The following ATRNL1 variants were observed in gnomAD, a reference collection of about 807,000 sequenced individuals.
ATRNL1 encodes the protein attractin like 1.
ATRNL1 carries 95 observed loss-of-function variants against 182.7 expected under a neutral mutation model. That is an observed-to-expected ratio of 0.52 (90% CI 0.44 to 0.62). ATRNL1 has a LOEUF of 0.62. Among genes scored for constraint, ATRNL1 ranks in the 20% least tolerant of loss-of-function variants. The probability of loss-of-function intolerance (pLI) is 0.00; values close to 1 mark genes in which losing one functional copy is unlikely to be tolerated. For synonymous variants in ATRNL1, 576 were observed against 568.3 expected, an observed-to-expected ratio of 1.01 and a Z score of -0.19; for missense variants, 1,471 against 1,679.5, an observed-to-expected ratio of 0.88 and a Z score of 2.17.
chr10:115,637,079 G>A (rs1858922217), intron 26 of ATRNL1, among the ~76,000 whole-genome samples: 1 of 152,194 alleles, frequency 6.6e-6, no homozygotes, highest in Non-Finnish European at 1.5e-5. Flanking sequence ...TTGAAAACAT[G>A]GACCTCAATA....
At chr10:115,913,824 G>C (rs1249397510) in intron 28 of ATRNL1, among the ~76,000 whole-genome samples, 2 of 152,184 alleles carry the variant, frequency 1.3e-5, no homozygotes, top group Non-Finnish European at 1.5e-5. Flanking sequence ...AACTGTGACT[G>C]GGGACATCTC....
At chr10:115,800,806 G>A (rs782800147) in intron 27 of ATRNL1, among the ~76,000 whole-genome samples, 3 of 152,202 alleles carry the variant, frequency 2.0e-5, no homozygotes, top group Admixed American at 6.5e-5. Flanking sequence ...AAGCCAGGAG[G>A]AGAGTCATCA....
intron 24 of ATRNL1, among the ~76,000 whole-genome samples, chr10:115,498,040 A>C (rs1849640595): frequency 6.6e-6 from 1 of 152,158 alleles, no homozygotes; most frequent in Non-Finnish European, 1.5e-5. Context: ...TCAAAGAATA[A>C]ATTACTTTAT....
chr10:115,268,631 AG>A (rs1851707292), intron 13 of ATRNL1, among the ~76,000 whole-genome samples, 187 bp downstream of exon 13: 1 of 152,212 alleles, frequency 6.6e-6, no homozygotes, highest in Non-Finnish European at 1.5e-5. Flanking sequence ...CAAATTTGTC[AG>A]TCTAGATTCC....
intron 27 of ATRNL1, among the ~76,000 whole-genome samples, chr10:115,808,138 A>G (rs1342392339): frequency 3.3e-5 from 5 of 152,314 alleles, no homozygotes; most frequent in Middle Eastern, 3.4e-3. Context: ...TGTTAATAAA[A>G]TGATTAAAAT....
At chr10:115,833,521 A>T (rs181836128) in intron 27 of ATRNL1, among the ~76,000 whole-genome samples, 4 of 152,338 alleles carry the variant, frequency 2.6e-5, no homozygotes, top group African/African-American at 9.6e-5. Context: ...GTAAGAGTGT[A>T]TGCTATGTTA....
chr10:115,254,468 CT>C (rs1195016770), intron 10 of ATRNL1, among the ~76,000 whole-genome samples: 1 of 152,122 alleles, frequency 6.6e-6, no homozygotes, highest in Non-Finnish European at 1.5e-5. Flanking sequence ...CCTTTGCCCA[CT>C]TTTTGATGGG....
intron 26 of ATRNL1, among the ~76,000 whole-genome samples, chr10:115,555,575 A>G (rs1336631206): frequency 3.9e-5 from 6 of 151,974 alleles, no homozygotes; most frequent in Non-Finnish European, 8.8e-5. Context: ...TTTATTGAAC[A>G]ACTATTGTTG....
At chr10:115,495,797 T>G (rs1183978324) in intron 24 of ATRNL1, among the ~76,000 whole-genome samples, 1 of 152,108 alleles carries the variant, frequency 6.6e-6, no homozygotes, top group African/African-American at 2.4e-5. Flanking sequence ...ATATATTCTT[T>G]TGTTTTTGAG....
Position 115,535,684 on chromosome 10 carries a change from C to T in ATRNL1, c.3717-13774C>T, listed in dbSNP as rs1256738892. 2.0e-5 allele frequency among the ~76,000 whole-genome samples: 3 copies of T among 152,160 alleles called. No individual in the cohort carries two copies. In the East Asian group the frequency reaches 5.8e-4, roughly 29 times the overall value. ...GTTCGTTTGGAGGAGGGGAGGTGCT[C>T]TGGTTTTTAGAGTTTCCAGTTTTTC... On this transcript the variant is annotated intron_variant, in intron 25 of 28. Transcript: ENST00000355044.
chr10:115,669,546 C>T (rs1565268559), intron 26 of ATRNL1, among the ~76,000 whole-genome samples: 1 of 152,126 alleles, frequency 6.6e-6, no homozygotes. Context: ...CCATCATTTC[C>T]TTTCCTGGGA....
chr10:115,767,700 A>C (rs574540151), intron 27 of ATRNL1, among the ~76,000 whole-genome samples: 125 of 152,258 alleles, frequency 8.2e-4, no homozygotes, highest in African/African-American at 2.9e-3. Context: ...CAAGACGTCT[A>C]TCATCCCTAT....
intron 27 of ATRNL1, among the ~76,000 whole-genome samples, chr10:115,798,973 C>G (rs1035517731): frequency 2.6e-5 from 4 of 151,724 alleles, no homozygotes; most frequent in Admixed American, 2.6e-4. Flanking sequence ...ACGACAGGCA[C>G]GTGCCACCAT....
intron 26 of ATRNL1, among the ~76,000 whole-genome samples, chr10:115,645,661 A>G (rs1179688639): frequency 1.3e-5 from 2 of 151,944 alleles, no homozygotes; most frequent in Non-Finnish European, 1.5e-5. Context: ...GTGGATCCCT[A>G]GTATGTCTGC....
chr10:115,831,216 G>A (rs547234014), intron 27 of ATRNL1, among the ~76,000 whole-genome samples: 2 of 152,208 alleles, frequency 1.3e-5, no homozygotes, highest in Admixed American at 1.3e-4. Context: ...GCTCCCGGGA[G>A]AGAATGAGCA....
At chr10:115,618,835 TCTC>T (rs1565218172) in intron 26 of ATRNL1, among the ~76,000 whole-genome samples, 1 of 152,220 alleles carries the variant, frequency 6.6e-6, no homozygotes, top group Non-Finnish European at 1.5e-5. Context: ...TCTTCTGTGG[TCTC>T]CTCCTGGAGT....
intron 26 of ATRNL1, among the ~76,000 whole-genome samples, chr10:115,656,676 A>G (rs1350963726): frequency 2.6e-5 from 4 of 152,236 alleles, no homozygotes; most frequent in African/African-American, 9.6e-5. Context: ...CATGAAGTTT[A>G]CTATAGTCAT....
At chr10:115,228,339 T>TG (rs1849781081) in intron 9 of ATRNL1, among the ~76,000 whole-genome samples, 1 of 152,164 alleles carries the variant, frequency 6.6e-6, no homozygotes, top group Non-Finnish European at 1.5e-5. Context: ...AAATGATTCC[T>TG]TTTATGTTTT....
At chr10:115,610,347 C>A (rs534599108) in intron 26 of ATRNL1, among the ~76,000 whole-genome samples, 17 of 152,174 alleles carry the variant, frequency 1.1e-4, no homozygotes, top group African/African-American at 4.1e-4. Flanking sequence ...CAATTGATTT[C>A]TTTGAAAATA....
Sources: allele counts gnomAD v4.1 joint callset (sites outside exome capture counted in the v4.1 genomes callset), GRCh38; gene constraint gnomAD v4.1.1; transcripts MANE v1.5; gene names NCBI Gene and HGNC (gene_info 2026-07-23, HGNC 2026-07-21).